Variants in CTNNA3 observed in about 807,000 individuals in gnomAD.
CTNNA3 encodes catenin alpha 3.
Under a neutral mutation model 95.7 loss-of-function variants are expected in CTNNA3, and 76 were observed. That is an observed-to-expected ratio of 0.79 (90% confidence interval 0.66 to 0.96). The LOEUF is 0.96. CTNNA3 is among the 40% of genes least tolerant of loss of function. The probability of loss-of-function intolerance (pLI) is 0.00; values close to 1 mark genes in which losing one functional copy is unlikely to be tolerated. For synonymous variants in CTNNA3, 431 were observed against 374.4 expected (o/e 1.15, Z -1.74); for missense variants, 1,191 against 1,089.8 (o/e 1.09, Z -1.31).
chr10:67,051,463 CTT>C (rs11334360), intron 7 of CTNNA3, among the ~76,000 whole-genome samples: 243 of 129,604 alleles, frequency 1.9e-3, no homozygotes, highest in Non-Finnish European at 2.1e-3. Context: ...TTTCTTTTTT[CTT>C]TTTTTTTTTT....
rs897520326 is a variant in CTNNA3 at position 67,731,530 on chromosome 10, C to T, written c.-2+31904G>A. On this transcript the variant is annotated intron_variant, in intron 1 of 17. Transcript: ENST00000684154. ...AGATATTTTGCTTTTAGGCCGGGCG[C>T]GGTGGCTTACACCTGTAATCCCAGC... Among the ~76,000 whole-genome samples the T allele has an allele frequency of 4.7e-5, 7 of 150,454 alleles. No homozygotes were observed. In the East Asian group the frequency reaches 8.0e-4, roughly 17 times the overall value.
At chr10:67,554,825 T>C (rs2133238094) in intron 3 of CTNNA3, among the ~76,000 whole-genome samples, 1 of 152,358 alleles carries the variant, frequency 6.6e-6, no homozygotes, top group Admixed American at 6.5e-5. Context: ...ATGAAGTCCT[T>C]GCGCATGCCT....
intron 13 of CTNNA3, among the ~76,000 whole-genome samples, chr10:66,249,237 T>C (rs1399060851): frequency 1.3e-5 from 2 of 151,982 alleles, no homozygotes; most frequent in Non-Finnish European, 2.9e-5. Flanking sequence ...AGTAGTACCC[T>C]ACAAGCACAA....
chr10:67,510,379 G>A (rs1351941959), intron 5 of CTNNA3, among the ~76,000 whole-genome samples: 2 of 151,840 alleles, frequency 1.3e-5, no homozygotes, highest in Non-Finnish European at 2.9e-5. Flanking sequence ...GTGTAAGGAA[G>A]GGATCCAGTT....
At chr10:67,659,516 A>G (rs1840119198) in intron 1 of CTNNA3, among the ~76,000 whole-genome samples, 1 of 152,216 alleles carries the variant, frequency 6.6e-6, no homozygotes, top group Non-Finnish European at 1.5e-5. Flanking sequence ...ATGGAGACCC[A>G]TCTTATATAA....
intron 6 of CTNNA3, among the ~76,000 whole-genome samples, chr10:67,191,553 A>G (rs1433202048): frequency 6.6e-6 from 1 of 151,922 alleles, no homozygotes; most frequent in Non-Finnish European, 1.5e-5. Context: ...GATTTGAAAG[A>G]TCTGTGGTTA....
intron 13 of CTNNA3, among the ~76,000 whole-genome samples, chr10:66,157,489 A>G (rs986738045): frequency 3.1e-5 from 3 of 95,914 alleles, no homozygotes; most frequent in African/African-American, 1.3e-4. Context: ...ATAGATAGAT[A>G]TGTAGATAGA....
intron 5 of CTNNA3, among the ~76,000 whole-genome samples, chr10:67,454,222 C>T (rs1359169547): frequency 1.3e-5 from 2 of 152,064 alleles, no homozygotes; most frequent in Non-Finnish European, 2.9e-5. Flanking sequence ...TAAATTTGAA[C>T]CAAGTGACTT....
At chr10:67,563,876 ACAGACACATG>A (rs1841643015) in intron 3 of CTNNA3, among the ~76,000 whole-genome samples, 1 of 145,476 alleles carries the variant, frequency 6.9e-6, no homozygotes, top group African/African-American at 2.6e-5. Context: ...TATGCAGCCA[ACAGACACATG>A]AAAAAATGCT....
chr10:67,381,597 C>T (rs1208006517), intron 5 of CTNNA3, among the ~76,000 whole-genome samples: 1 of 151,890 alleles, frequency 6.6e-6, no homozygotes, highest in East Asian at 1.9e-4. Context: ...CTCATACCAC[C>T]ACCCTCCCCT....
At chr10:67,405,955 A>T (rs1248421573) in intron 5 of CTNNA3, among the ~76,000 whole-genome samples, 1 of 152,192 alleles carries the variant, frequency 6.6e-6, no homozygotes, top group Non-Finnish European at 1.5e-5. Context: ...CTCCTCTTGA[A>T]TTGTACTTCC....
rs906023944 is a variant in CTNNA3, at chr10:66,109,272, C to T, written c.1885-6023G>A. On this transcript the variant is annotated intron_variant, in intron 13 of 17. Coordinates refer to ENST00000433211, the MANE Select transcript of CTNNA3 (RefSeq NM_013266.4). ...CAGGGTCGGTGAGACTCCCTGACAT[C>T]TTGATGCAGCCCAAGCCTCCAGAGA... Among the ~76,000 whole-genome samples the T allele has an allele frequency of 4.6e-5, 7 of 152,276 alleles. No homozygotes were observed. In the East Asian group the frequency reaches 5.8e-4, roughly 13 times the overall value.
At chr10:65,934,539 G>A (rs760636983) in intron 17 of CTNNA3, among the ~76,000 whole-genome samples, 18 of 152,028 alleles carry the variant, frequency 1.2e-4, no homozygotes, top group African/African-American at 4.3e-4. Flanking sequence ...TTATTTTATC[G>A]ATGGAATCAC....
intron 17 of CTNNA3, among the ~76,000 whole-genome samples, chr10:65,958,730 T>C (rs1038777584): frequency 3.9e-5 from 6 of 152,180 alleles, no homozygotes; most frequent in African/African-American, 1.4e-4. Flanking sequence ...CGGCAAGTGC[T>C]GCTGCCTGAT....
At chr10:66,898,360 C>T (rs944279242) in intron 7 of CTNNA3, among the ~76,000 whole-genome samples, 3 of 134,060 alleles carry the variant, frequency 2.2e-5, no homozygotes, top group African/African-American at 7.4e-5. Flanking sequence ...TATGGAACTA[C>T]AAAGTATCTG....
intron 7 of CTNNA3, among the ~76,000 whole-genome samples, chr10:66,792,553 T>A (rs1251242377): frequency 6.6e-6 from 1 of 152,040 alleles, no homozygotes; most frequent in Admixed American, 6.6e-5. Context: ...AATACTCCAA[T>A]CTAAATCCAA....
At chr10:66,514,818 C>T (rs1290320495) in intron 11 of CTNNA3, among the ~76,000 whole-genome samples, 1 of 152,084 alleles carries the variant, frequency 6.6e-6, no homozygotes, top group African/African-American at 2.4e-5. Flanking sequence ...TCATTCATCC[C>T]TTCTATCAAA....
intron 14 of CTNNA3, among the ~76,000 whole-genome samples, chr10:66,091,558 C>T (rs2081212773): frequency 6.6e-6 from 1 of 151,792 alleles, no homozygotes; most frequent in African/African-American, 2.4e-5. Flanking sequence ...AAAACTGTTG[C>T]CTTCATTGAA....
At position 67,704,157 on chromosome 10, in the gene CTNNA3, C is replaced by G. The variant is rs941639332; in HGVS notation, c.-1-56643G>C. Among the ~76,000 whole-genome samples, 11 of 152,170 alleles carry G rather than the reference C, an allele frequency of 7.2e-5. No individual in the cohort carries two copies. The South Asian group carries it at 8.3e-4, about 11-fold the overall frequency. ...CAAACAAATGGAAGAACATTCCATG[C>G]TCATGGATAGGAAGAATCAACATCG... On this transcript the variant is annotated intron_variant, in intron 1 of 17. Transcript: ENST00000684154.
Sources: allele counts gnomAD v4.1 joint callset (sites outside exome capture counted in the v4.1 genomes callset), GRCh38; gene constraint gnomAD v4.1.1; transcripts MANE v1.5; gene names NCBI Gene and HGNC (gene_info 2026-07-23, HGNC 2026-07-21).